CNTNAP2: variants seen among roughly 807,000 people sequenced by gnomAD.
The protein encoded by CNTNAP2 is contactin associated protein 2, also known as contactin-associated protein-like 2.
A neutral mutation model predicts 155.2 loss-of-function variants in CNTNAP2; 98 were observed. That is an observed-to-expected ratio of 0.63 (90% CI 0.54 to 0.75). The LOEUF is 0.75. Among genes scored for constraint, CNTNAP2 ranks in the 30% least tolerant of loss-of-function variants. The probability of loss-of-function intolerance (pLI) is 0.00; values close to 1 mark genes in which losing one functional copy is unlikely to be tolerated. For synonymous variants in CNTNAP2, 651 were observed against 631.2 expected (o/e 1.03, Z -0.47); for missense variants, 1,727 against 1,688.1 (o/e 1.02, Z -0.40).
At chr7:146,426,774 C>A (rs1165597807) in intron 1 of CNTNAP2, among the ~76,000 whole-genome samples, 1 of 151,810 alleles carries the variant, frequency 6.6e-6, no homozygotes, top group Non-Finnish European at 1.5e-5. Context: ...TTCAAGAGAT[C>A]TTTTATACAT....
At chr7:146,888,770 T>C (rs545508021) in intron 3 of CNTNAP2, among the ~76,000 whole-genome samples, 1 of 152,062 alleles carries the variant, frequency 6.6e-6, no homozygotes, top group Non-Finnish European at 1.5e-5. Context: ...CACTATATGA[T>C]GTTACCTACA....
At position 147,094,399 on chromosome 7, in the gene CNTNAP2, C is replaced by CTTTT. The variant is rs55694542; in HGVS notation, c.551-13735_551-13732dup. 2.6e-4 allele frequency among the ~76,000 whole-genome samples: 34 copies of CTTTT among 132,950 alleles called. 1 individual carries two copies. Among genetic ancestry groups the CTTTT allele is most frequent in the African/African-American group, 4.0e-4 (14 of 35,428 alleles). 87.2% of individuals were successfully genotyped at this position (132,950 alleles called of 152,430 possible). On this transcript the variant is annotated intron_variant, in intron 4 of 23. Coordinates refer to ENST00000361727, the MANE Select transcript of CNTNAP2 (RefSeq NM_014141.6). ...ATGTAGCCTTTTATTATTATTATTC[C>CTTTT]TTTTTTTTTTTTTTTTCTTTTGGAG...
intron 15 of CNTNAP2, among the ~76,000 whole-genome samples, chr7:148,021,706 G>A (rs773506656): frequency 1.3e-5 from 2 of 152,176 alleles, no homozygotes; most frequent in African/African-American, 4.8e-5. Flanking sequence ...ATGCAGACAG[G>A]GTGGCAGGAA....
intron 1 of CNTNAP2, among the ~76,000 whole-genome samples, chr7:146,434,791 T>C (rs957792623): frequency 1.3e-5 from 2 of 152,084 alleles, no homozygotes; most frequent in African/African-American, 4.8e-5. Flanking sequence ...ATTAGAAATT[T>C]AATATATATT....
chr7:147,502,127 T>C (rs1348784971), intron 11 of CNTNAP2, among the ~76,000 whole-genome samples: 1 of 152,120 alleles, frequency 6.6e-6, no homozygotes, highest in African/African-American at 2.4e-5. Flanking sequence ...GTTTAACAGT[T>C]AGTCCCACTA....
chr7:147,828,428 A>G (rs1731017330), intron 13 of CNTNAP2, among the ~76,000 whole-genome samples: 1 of 152,228 alleles, frequency 6.6e-6, no homozygotes, highest in Non-Finnish European at 1.5e-5. Context: ...GCATTCTTCC[A>G]TTCTATGACA....
At chr7:147,774,779 C>T (rs1797532164) in intron 13 of CNTNAP2, among the ~76,000 whole-genome samples, 1 of 152,244 alleles carries the variant, frequency 6.6e-6, no homozygotes, top group East Asian at 1.9e-4. Flanking sequence ...CGTTAAGACA[C>T]CCAGGTTGTG....
chr7:147,841,061 A>G (rs1330844865), intron 13 of CNTNAP2, among the ~76,000 whole-genome samples: 1 of 152,194 alleles, frequency 6.6e-6, no homozygotes. Context: ...CAAAAATATT[A>G]GTTTTTAATC....
At chr7:146,287,744 A>G (rs1430131821) in intron 1 of CNTNAP2, among the ~76,000 whole-genome samples, 1 of 152,142 alleles carries the variant, frequency 6.6e-6, no homozygotes, top group African/African-American at 2.4e-5. Flanking sequence ...AAACTAAGTA[A>G]TTTTCAAGTT....
chr7:146,148,823 C>T (rs1275695357), intron 1 of CNTNAP2, among the ~76,000 whole-genome samples: 3 of 151,722 alleles, frequency 2.0e-5, no homozygotes, highest in African/African-American at 7.2e-5. Flanking sequence ...CTAATCAGAA[C>T]AAAAAAAGGA....
At chr7:148,266,978 T>G in intron 20 of CNTNAP2, 55 bp from the exon 21 acceptor site, 1 of 1,527,666 alleles carries the variant, frequency 6.5e-7, no homozygotes, top group Non-Finnish European at 9.1e-7. Context: ...GAAGATTTGG[T>G]TCCACACAGG....
At chr7:147,372,828 A>T (rs545798111) in intron 9 of CNTNAP2, among the ~76,000 whole-genome samples, 1 of 152,138 alleles carries the variant, frequency 6.6e-6, no homozygotes, top group East Asian at 1.9e-4. Context: ...CTACCTGTGC[A>T]CTAGTGATGG....
At chr7:146,134,642 G>T (rs1174961324) in intron 1 of CNTNAP2, among the ~76,000 whole-genome samples, 1 of 150,254 alleles carries the variant, frequency 6.7e-6, no homozygotes, top group African/African-American at 2.4e-5. Context: ...TTTTGTCAAA[G>T]GCCTTTTCTG....
At chr7:146,721,889 A>ATATATATATTTTTTTT in intron 1 of CNTNAP2, among the ~76,000 whole-genome samples, 1 of 69,738 alleles carries the variant, frequency 1.4e-5, no homozygotes, top group African/African-American at 1.9e-4. Context: ...ATATATATAT[A>ATATATATATTTTTTTT]TTTTTTTTTT....
intron 3 of CNTNAP2, among the ~76,000 whole-genome samples, chr7:146,998,639 G>C (rs563788935): frequency 6.6e-6 from 1 of 151,840 alleles, no homozygotes; most frequent in East Asian, 1.9e-4. Flanking sequence ...TGATGAAGTC[G>C]CTTACTCTTA....
intron 1 of CNTNAP2, among the ~76,000 whole-genome samples, chr7:146,476,884 C>G (rs1796885288): frequency 6.6e-6 from 1 of 152,148 alleles, no homozygotes; most frequent in Admixed American, 6.5e-5. Flanking sequence ...GCAACTATGG[C>G]TACGCATACA....
intron 15 of CNTNAP2, among the ~76,000 whole-genome samples, chr7:148,048,925 G>C (rs1047954523): frequency 6.6e-6 from 1 of 151,862 alleles, no homozygotes; most frequent in African/African-American, 2.4e-5. Flanking sequence ...ATAAAAATGT[G>C]GCTAGGCCGG....
chr7:146,417,761 A>T (rs1034109616), intron 1 of CNTNAP2, among the ~76,000 whole-genome samples: 1 of 152,212 alleles, frequency 6.6e-6, no homozygotes, highest in Non-Finnish European at 1.5e-5. Context: ...GTGATTTAGT[A>T]TATAAAATTA....
chr7:147,686,820 G>A (rs1325712983), intron 13 of CNTNAP2, among the ~76,000 whole-genome samples: 5 of 151,484 alleles, frequency 3.3e-5, no homozygotes, highest in Non-Finnish European at 5.9e-5. Context: ...TAACAAAAAA[G>A]CAAGGGAAAA....
Sources: allele counts gnomAD v4.1 joint callset (sites outside exome capture counted in the v4.1 genomes callset), GRCh38; gene constraint gnomAD v4.1.1; transcripts MANE v1.5; gene names NCBI Gene and HGNC (gene_info 2026-07-23, HGNC 2026-07-21).